Variants in CFAP47 observed in about 807,000 individuals in gnomAD.
The protein encoded by CFAP47 is cilia- and flagella-associated protein 47.
A neutral mutation model predicts 148.1 loss-of-function variants in CFAP47; 29 were observed. The observed-to-expected ratio is 0.20, with a 90% CI of 0.15 to 0.27. The LOEUF is 0.27. CFAP47 is among the 10% of genes least tolerant of loss of function. The pLI is 1.00. For synonymous variants in CFAP47, 664 were observed against 577.3 expected, an observed-to-expected ratio of 1.15 and a Z score of -2.15; for missense variants, 1,872 against 1,697.5, an observed-to-expected ratio of 1.10 and a Z score of -1.81.
At chrX:36,224,874 G>A in intron 45 of CFAP47, among the ~76,000 whole-genome samples, 1 of 111,525 alleles carries the variant, frequency 9.0e-6, no homozygotes, top group Non-Finnish European at 1.9e-5. Flanking sequence ...ACAAAACAAT[G>A]GTATTGATTT....
Position 36,236,617 on chromosome X carries a change from A to C in CFAP47, c.7159-69A>C, listed in dbSNP as rs782021633. On this transcript the variant is annotated intron_variant, in intron 47 of 63. Transcript: ENST00000378653. ...TTATTAATCAGACACAAGAAGAATA[A>C]GATAGCAGAGGTTGTTTAACATTTA... The C allele has an allele frequency of 9.1e-4, 422 of 461,352 alleles. 2 individuals are homozygous for C. The highest frequency in any genetic ancestry group is 1.7e-4 in the Non-Finnish European group (45 of 260,504). 38.0% of individuals were successfully genotyped at this position (461,352 alleles called of 1,213,427 possible).
chrX:36,199,232 C>T (rs1158778256), intron 42 of CFAP47, among the ~76,000 whole-genome samples: 5 of 111,520 alleles, frequency 4.5e-5, no homozygotes, highest in Admixed American at 3.8e-4. Context: ...TTTATTAAAA[C>T]TCTAGGTTCC....
At chrX:36,377,679 T>C (rs1039727873) in intron 62 of CFAP47, among the ~76,000 whole-genome samples, 8 of 111,959 alleles carry the variant, frequency 7.1e-5, no homozygotes, top group Admixed American at 2.9e-4. Context: ...TGCCATTTTA[T>C]TGATGTAATT....
intron 39 of CFAP47, among the ~76,000 whole-genome samples, chrX:36,171,942 C>A (rs1433114314): frequency 9.2e-6 from 1 of 109,203 alleles, no homozygotes; most frequent in Non-Finnish European, 1.9e-5. Context: ...ATGGAATGTT[C>A]TTCCATTTGT....
At chrX:36,039,222 T>G in intron 25 of CFAP47, 43 bp downstream of exon 25, 1 of 676,283 alleles carries the variant, frequency 1.5e-6, no homozygotes, top group Non-Finnish European at 2.1e-6. Context: ...TTTATGTGCT[T>G]TTTTGTTTGT....
chrX:36,223,708 G>A (rs1187084405), intron 45 of CFAP47, among the ~76,000 whole-genome samples: 1 of 111,574 alleles, frequency 9.0e-6, no homozygotes, highest in Non-Finnish European at 1.9e-5. Flanking sequence ...GTGAGGCCAT[G>A]GAAGTAAATG....
At chrX:36,364,514 A>T (rs1556019852) in intron 61 of CFAP47, among the ~76,000 whole-genome samples, 1 of 110,074 alleles carries the variant, frequency 9.1e-6, no homozygotes, top group Non-Finnish European at 1.9e-5. Context: ...TGCACATCAG[A>T]TAAAGTGGAT....
At chrX:36,274,444 C>T (rs1556002332) in intron 49 of CFAP47, among the ~76,000 whole-genome samples, 1 of 111,296 alleles carries the variant, frequency 9.0e-6, no homozygotes. Context: ...GTTTAAAGTG[C>T]ATTGTCAACT....
Position 35,947,675 on chromosome X carries a change from G to T in CFAP47, c.518-639G>T, listed in dbSNP as rs1381591370. On this transcript the variant is annotated intron_variant, in intron 3 of 63. Coordinates refer to ENST00000378653, the MANE Select transcript of CFAP47 (RefSeq NM_001304548.2). Reference sequence around the variant, plus strand: ...AACAATAGGGTAAAGATACGAATGTGGAAAAAGGTGAAGAATTGTGGTCAG... The same window carrying T: ...AACAATAGGGTAAAGATACGAATGTTGAAAAAGGTGAAGAATTGTGGTCAG... 3.6e-5 allele frequency among the ~76,000 whole-genome samples: 4 copies of T among 110,151 alleles called. No individual in the cohort carries two copies. In the East Asian group the frequency reaches 1.2e-3, roughly 32 times the overall value.
In CFAP47 at chrX:36,093,673, A is replaced by G. The variant is rs781195286; in HGVS notation, c.4917-5120A>G. ...GGTGTGAGTTGATTGAAGGTAAAAA[A>G]AGAAACAAAATAAATATAAAAATTT... On this transcript the variant is annotated intron_variant, in intron 30 of 63. Transcript: ENST00000378653. Among the ~76,000 whole-genome samples, 69 of 111,461 alleles carry G rather than the reference A, an allele frequency of 6.2e-4. 3 individuals are homozygous for G. The highest frequency in any genetic ancestry group is 3.5e-3 in the Admixed American group (37 of 10,523).
intron 8 of CFAP47, among the ~76,000 whole-genome samples, chrX:35,960,997 A>C (rs1936322488): frequency 9.0e-6 from 1 of 111,622 alleles, no homozygotes; most frequent in Non-Finnish European, 1.9e-5. Context: ...TAAGTTTTTC[A>C]TTGACTGCCT....
intron 45 of CFAP47, among the ~76,000 whole-genome samples, chrX:36,214,319 A>G (rs1307287179): frequency 8.9e-6 from 1 of 111,951 alleles, no homozygotes; most frequent in East Asian, 2.8e-4. Flanking sequence ...TATGGAACCT[A>G]TAGGACTGGA....
intron 49 of CFAP47, among the ~76,000 whole-genome samples, chrX:36,277,306 AAAAC>A (rs1359270148): frequency 8.9e-6 from 1 of 111,823 alleles, no homozygotes; most frequent in Non-Finnish European, 1.9e-5. Flanking sequence ...TTTAAAATGG[AAAAC>A]AAAAGCAGCA....
intron 21 of CFAP47, among the ~76,000 whole-genome samples, chrX:36,012,349 A>C (rs763843167): frequency 8.9e-5 from 10 of 111,844 alleles, no homozygotes; most frequent in Non-Finnish European, 1.5e-4. Flanking sequence ...TCTTTCTACT[A>C]TAAAGACACA....
chrX:36,120,594 T>C (rs1938725530), intron 33 of CFAP47, among the ~76,000 whole-genome samples: 1 of 111,989 alleles, frequency 8.9e-6, no homozygotes, highest in Admixed American at 9.5e-5. Context: ...AATTTTTCAA[T>C]TTCCTTTGTA....
At chrX:36,069,155 T>A (rs2146757593) in intron 27 of CFAP47, among the ~76,000 whole-genome samples, 1 of 110,454 alleles carries the variant, frequency 9.1e-6, no homozygotes, top group African/African-American at 3.3e-5. Context: ...TATTCTTAAA[T>A]CTTCAAATTT....
chrX:36,122,340 G>A (rs1938759662), intron 33 of CFAP47, among the ~76,000 whole-genome samples: 2 of 111,233 alleles, frequency 1.8e-5, no homozygotes, highest in African/African-American at 6.5e-5. Context: ...ATTGATATCT[G>A]TCTCTAGGTT....
intron 22 of CFAP47, among the ~76,000 whole-genome samples, chrX:36,025,879 G>T (rs1209888979): frequency 9.0e-6 from 1 of 111,306 alleles, no homozygotes; most frequent in Non-Finnish European, 1.9e-5. Context: ...TCCAAGATTT[G>T]TTATTTGCCT....
intron 21 of CFAP47, among the ~76,000 whole-genome samples, chrX:36,009,229 C>T (rs1353022526): frequency 9.1e-6 from 1 of 109,597 alleles, no homozygotes; most frequent in Non-Finnish European, 1.9e-5. Context: ...AAATATGAGT[C>T]CATATTATTA....
Sources: allele counts gnomAD v4.1 joint callset (sites outside exome capture counted in the v4.1 genomes callset), GRCh38; gene constraint gnomAD v4.1.1; transcripts MANE v1.5; gene names NCBI Gene and HGNC (gene_info 2026-07-23, HGNC 2026-07-21).